Variants in RAD51B observed in about 807,000 individuals in gnomAD.
RAD51B encodes the protein RAD51 paralog B, also known as DNA repair protein RAD51 homolog 2.
RAD51B carries 38 observed loss-of-function variants against 42.2 expected under a neutral mutation model. The ratio of observed to expected loss-of-function variants is 0.90; its 90% CI spans 0.70 to 1.18. The LOEUF is 1.18. RAD51B is among the 50% of genes most tolerant of loss of function. The probability of loss-of-function intolerance (pLI) is 0.00; values close to 1 mark genes in which losing one functional copy is unlikely to be tolerated. For missense variants in RAD51B, 373 were observed against 400.7 expected (o/e 0.93, Z 0.59); for synonymous variants, 154 against 145.2 (o/e 1.06, Z -0.43).
In RAD51B at chr14:68,274,818, A is replaced by G. The variant is rs12436418; in HGVS notation, c.757-17066A>G. On this transcript the variant is annotated intron_variant, in intron 7 of 10. Transcript: ENST00000471583. Reference sequence around the variant, plus strand: ...ACGTCCTTTTAACTTGTTCTGCTAGATCTTATATTTCCCATAAACTGGTGG... The same window carrying G: ...ACGTCCTTTTAACTTGTTCTGCTAGGTCTTATATTTCCCATAAACTGGTGG... Among the ~76,000 whole-genome samples the G allele has an allele frequency of 9.5e-3, 1,450 of 152,206 alleles. 28 individuals carry two copies. The highest frequency in any genetic ancestry group is 0.057 in the East Asian group (297 of 5,186).
chr14:68,169,515 G>C (rs924366324), intron 7 of RAD51B, among the ~76,000 whole-genome samples: 1 of 152,002 alleles, frequency 6.6e-6, no homozygotes, highest in Non-Finnish European at 1.5e-5. Flanking sequence ...GAGTACATGG[G>C]CATTTATTAT....
intron 7 of RAD51B, among the ~76,000 whole-genome samples, chr14:68,002,357 A>G (rs757084286): frequency 2.3e-4 from 35 of 152,128 alleles, no homozygotes; most frequent in Non-Finnish European, 5.0e-4. Context: ...GTGTCTGTTC[A>G]TGTCCTTTGC....
At chr14:68,220,400 T>G (rs1284816756) in intron 7 of RAD51B, among the ~76,000 whole-genome samples, 1 of 152,142 alleles carries the variant, frequency 6.6e-6, no homozygotes, top group Non-Finnish European at 1.5e-5. Context: ...AAAAAGCATT[T>G]GACAAAATCC....
At chr14:67,872,602 T>A (rs559644595) in intron 5 of RAD51B, among the ~76,000 whole-genome samples, 1,752 of 149,412 alleles carry the variant, frequency 0.012, 18 homozygotes, top group Non-Finnish European at 0.02. Context: ...AAAGTTCATA[T>A]GGAACCAAAA....
At chr14:68,370,323 A>G (rs1381639923) in intron 8 of RAD51B, among the ~76,000 whole-genome samples, 1 of 152,258 alleles carries the variant, frequency 6.6e-6, no homozygotes, top group Non-Finnish European at 1.5e-5. Flanking sequence ...TAATAATGAT[A>G]GCAACAACAA....
chr14:68,167,167 A>G (rs1030525181), intron 7 of RAD51B, among the ~76,000 whole-genome samples: 1 of 152,116 alleles, frequency 6.6e-6, no homozygotes, highest in Non-Finnish European at 1.5e-5. Flanking sequence ...TATATTGGTT[A>G]TTGAAATCTT....
At chr14:68,297,104 T>C (rs2081629812) in intron 8 of RAD51B, among the ~76,000 whole-genome samples, 1 of 152,210 alleles carries the variant, frequency 6.6e-6, no homozygotes, top group South Asian at 2.1e-4. Context: ...ATTTGAAAGA[T>C]TATATGCAAG....
Position 68,477,799 on chromosome 14 carries a change from G to T in RAD51B, c.*135G>T, listed in dbSNP as rs1882822602. The T allele has an allele frequency of 2.0e-6, 3 of 1,513,250 alleles. No individual in the cohort carries two copies. Among genetic ancestry groups the T allele is most frequent in the Non-Finnish European group, 8.8e-7 (1 of 1,134,200 alleles). The allele number at this position is 1,513,250 out of a possible 1,614,324, so 93.7% of individuals were successfully genotyped here. On this transcript the variant is annotated 3_prime_UTR_variant, in exon 11 of 11. Transcript: ENST00000471583. ...GTTGATTGCTGTTGAGATGGTAACA[G>T]ATTTGCTCCTAAACCATTGAGCTAG...
At chr14:68,318,467 T>A (rs961908041) in intron 8 of RAD51B, among the ~76,000 whole-genome samples, 3 of 152,228 alleles carry the variant, frequency 2.0e-5, no homozygotes, top group Non-Finnish European at 4.4e-5. Flanking sequence ...TTTCTAAATT[T>A]AAGTTGCTAA....
intron 4 of RAD51B, 108 bp downstream of exon 4, chr14:67,835,304 T>A: frequency 1.2e-6 from 1 of 827,458 alleles, no homozygotes; most frequent in Non-Finnish European, 2.0e-6. Context: ...TAATCTGAAT[T>A]AAATTATAAG....
At chr14:68,087,494 T>C (rs149582389) in intron 7 of RAD51B, among the ~76,000 whole-genome samples, 3 of 152,260 alleles carry the variant, frequency 2.0e-5, no homozygotes, top group Non-Finnish European at 4.4e-5. Context: ...ATTATTATAG[T>C]ATTATGCTTA....
At chr14:68,387,741 C>A (rs989196789) in intron 8 of RAD51B, among the ~76,000 whole-genome samples, 15 of 152,134 alleles carry the variant, frequency 9.9e-5, no homozygotes, top group African/African-American at 3.6e-4. Context: ...CACACTCTTA[C>A]ACACACACTA....
intron 10 of RAD51B, among the ~76,000 whole-genome samples, chr14:68,504,804 A>T (rs1885191131): frequency 6.8e-6 from 1 of 147,386 alleles, no homozygotes. Flanking sequence ...AAATTTCTTC[A>T]CTAGACACTG....
At chr14:68,608,669 A>G (rs368986553) in intron 10 of RAD51B, among the ~76,000 whole-genome samples, 1 of 151,952 alleles carries the variant, frequency 6.6e-6, no homozygotes, top group Admixed American at 6.6e-5. Flanking sequence ...CGGGCATGAA[A>G]CTCAGGCATC....
intron 7 of RAD51B, among the ~76,000 whole-genome samples, chr14:68,152,870 G>A (rs1262168680): frequency 2.0e-5 from 3 of 151,878 alleles, no homozygotes; most frequent in African/African-American, 7.3e-5. Flanking sequence ...TTCTTTTTCT[G>A]TGTTAGTTCA....
At chr14:68,673,973 C>T (rs1399684212) in intron 11 of RAD51B, among the ~76,000 whole-genome samples, 4 of 152,122 alleles carry the variant, frequency 2.6e-5, no homozygotes, top group African/African-American at 9.7e-5. Flanking sequence ...CATGCACACA[C>T]ATACACATAC....
At chr14:68,433,973 C>A (rs146328616) in intron 9 of RAD51B, among the ~76,000 whole-genome samples, 4 of 152,226 alleles carry the variant, frequency 2.6e-5, no homozygotes, top group Non-Finnish European at 5.9e-5. Context: ...ACAGGACCCT[C>A]AGCTGTAGGT....
intron 7 of RAD51B, among the ~76,000 whole-genome samples, chr14:68,008,678 G>C (rs1225075329): frequency 6.6e-6 from 1 of 152,036 alleles, no homozygotes; most frequent in Non-Finnish European, 1.5e-5. Flanking sequence ...TTTGGTTTAT[G>C]AGTTTAAAGT....
At chr14:68,157,831 G>T (rs952393748) in intron 7 of RAD51B, among the ~76,000 whole-genome samples, 1 of 152,132 alleles carries the variant, frequency 6.6e-6, no homozygotes, top group Non-Finnish European at 1.5e-5. Context: ...TAGGAGTCAG[G>T]CATTGGGTAG....
Sources: gnomAD v4.1 joint callset for allele counts (sites outside exome capture counted in the v4.1 genomes callset) on GRCh38, gnomAD v4.1.1 for gene constraint, MANE v1.5 for transcripts, NCBI Gene and HGNC (gene_info 2026-07-23, HGNC 2026-07-21) for gene names.